The following DGKH variants were observed in gnomAD, a reference collection of about 807,000 sequenced individuals.
DGKH encodes diacylglycerol kinase eta, also known as DAG kinase eta.
In DGKH, 90 loss-of-function variants were observed where a neutral mutation model predicts 159.3. The ratio of observed to expected loss-of-function variants is 0.57; its 90% CI spans 0.48 to 0.67. The LOEUF (loss-of-function observed/expected upper bound fraction) is 0.67, where lower values mean the gene tolerates loss of function less well. DGKH is among the 30% of genes least tolerant of loss of function. The pLI is 0.00. For missense variants in DGKH, 1,181 were observed against 1,506.1 expected (o/e 0.78, Z 3.57); for synonymous variants, 536 against 553.8 (o/e 0.97, Z 0.45).
chr13:42,055,665 T>G (rs930938924), intron 1 of DGKH, among the ~76,000 whole-genome samples: 1 of 152,184 alleles, frequency 6.6e-6, no homozygotes, highest in Non-Finnish European at 1.5e-5. Context: ...TCATATTGGA[T>G]TTGTTAGGCT....
At chr13:42,174,190 C>A in intron 12 of DGKH, 46 bp downstream of exon 12, 6 of 1,373,460 alleles carry the variant, frequency 4.4e-6, no homozygotes, top group Non-Finnish European at 5.1e-6. Flanking sequence ...GGGTGGATAT[C>A]TTGAGAAAAA....
At chr13:42,131,320 T>G (rs1955285201) in intron 3 of DGKH, among the ~76,000 whole-genome samples, 1 of 151,670 alleles carries the variant, frequency 6.6e-6, no homozygotes, top group Admixed American at 6.6e-5. Context: ...AGAGGAGGAA[T>G]AGTTAGAACC....
At chr13:42,040,309 G>A (rs1593935107) in intron 1 of DGKH, among the ~76,000 whole-genome samples, 1 of 152,288 alleles carries the variant, frequency 6.6e-6, no homozygotes, top group East Asian at 1.9e-4. Flanking sequence ...CGCCAGCGCG[G>A]TGGCCAGCCT....
downstream of DGKH, among the ~76,000 whole-genome samples, chr13:42,245,446 C>A (rs1372386324): frequency 6.6e-6 from 1 of 152,156 alleles, no homozygotes; most frequent in East Asian, 1.9e-4. Context: ...TCTCTTTCAC[C>A]TATAGATTGA....
intron 1 of DGKH, among the ~76,000 whole-genome samples, chr13:42,102,257 C>G (rs910545667): frequency 1.3e-5 from 2 of 152,246 alleles, no homozygotes; most frequent in Non-Finnish European, 2.9e-5. Context: ...GGTCAAACAC[C>G]TGCTGGAGCT....
At chr13:42,162,964 A>G (rs12430974) in intron 7 of DGKH, among the ~76,000 whole-genome samples, 17,961 of 150,428 alleles carry the variant, frequency 0.12, 1,577 homozygotes, top group East Asian at 0.42. Context: ...TGCACCCATT[A>G]ACTCATCATT....
At chr13:42,134,838 G>A (rs1252400577) in intron 3 of DGKH, among the ~76,000 whole-genome samples, 3 of 152,118 alleles carry the variant, frequency 2.0e-5, no homozygotes, top group African/African-American at 4.8e-5. Context: ...TTAGCTGGAC[G>A]TATTGGTGCA....
chr13:42,093,610 G>A (rs1042022826), intron 1 of DGKH, among the ~76,000 whole-genome samples: 1 of 152,186 alleles, frequency 6.6e-6, no homozygotes, highest in Non-Finnish European at 1.5e-5. Flanking sequence ...AACAACGCAA[G>A]TGCCAATAAA....
chr13:42,108,284 G>A (rs1368197853), intron 1 of DGKH, among the ~76,000 whole-genome samples: 2 of 152,202 alleles, frequency 1.3e-5, no homozygotes. Context: ...GAAACCTTTT[G>A]ATTGGCAGAT....
At chr13:42,050,220 A>T (rs749607159) in intron 1 of DGKH, among the ~76,000 whole-genome samples, 10 of 152,108 alleles carry the variant, frequency 6.6e-5, no homozygotes, top group Non-Finnish European at 1.5e-4. Flanking sequence ...AAAATAAAAA[A>T]ATTAGCTGGG....
intron 1 of DGKH, among the ~76,000 whole-genome samples, chr13:42,053,661 C>T (rs1881535898): frequency 6.7e-6 from 1 of 150,004 alleles, no homozygotes; most frequent in Non-Finnish European, 1.5e-5. Context: ...ACTCTGTTGC[C>T]AGGCTGGAGT....
At chr13:42,228,728 G>A (rs1958211705) in intron 29 of DGKH, among the ~76,000 whole-genome samples, 1 of 151,780 alleles carries the variant, frequency 6.6e-6, no homozygotes, top group South Asian at 2.1e-4. Context: ...AGAAAAGAAA[G>A]AAAGAGAAAG....
chr13:42,144,222 C>T (rs531067819), intron 3 of DGKH, among the ~76,000 whole-genome samples: 1 of 152,158 alleles, frequency 6.6e-6, no homozygotes, highest in East Asian at 1.9e-4. Flanking sequence ...AGTTTCTTAA[C>T]TATACCTGTT....
intron 3 of DGKH, among the ~76,000 whole-genome samples, chr13:42,148,123 G>A (rs1955784046): frequency 6.6e-6 from 1 of 152,138 alleles, no homozygotes; most frequent in African/African-American, 2.4e-5. Context: ...TGGCTAGGGA[G>A]GAAGGCAGAT....
intron 24 of DGKH, among the ~76,000 whole-genome samples, chr13:42,213,262 G>A (rs1198493411): frequency 1.3e-5 from 2 of 152,130 alleles, no homozygotes; most frequent in African/African-American, 4.8e-5. Flanking sequence ...TTGGTAAATG[G>A]GTATGAATTA....
intron 1 of DGKH, among the ~76,000 whole-genome samples, chr13:42,065,720 G>C (rs191314579): frequency 1.4e-3 from 215 of 152,180 alleles, no homozygotes; most frequent in Non-Finnish European, 2.6e-3. Context: ...GAAATACTTG[G>C]GTGAGGAAGG....
rs889127170 is a variant in DGKH, at chr13:42,092,315, A to G, written c.193-35148A>G. Among the ~76,000 whole-genome samples the G allele has an allele frequency of 2.0e-5, 3 of 152,350 alleles. No homozygotes were observed. In the East Asian group the frequency reaches 5.8e-4, roughly 29 times the overall value. ...CCATGTTTATTGCCCACTGTTCACA[A>G]TAGTCAAGATATGGAATCAACCGAA... On this transcript the variant is annotated intron_variant, in intron 1 of 29. Coordinates refer to ENST00000337343, the MANE Select transcript of DGKH (RefSeq NM_178009.5).
At chr13:42,189,947 C>T (rs1287933918) in intron 15 of DGKH, among the ~76,000 whole-genome samples, 1 of 152,064 alleles carries the variant, frequency 6.6e-6, no homozygotes, top group African/African-American at 2.4e-5. Context: ...GGATTACAGG[C>T]GTGAACCACT....
At chr13:42,074,684 ATCC>A (rs1211100521) in intron 1 of DGKH, among the ~76,000 whole-genome samples, 10 of 151,822 alleles carry the variant, frequency 6.6e-5, no homozygotes, top group African/African-American at 2.4e-4. Context: ...CCATCCATCC[ATCC>A]ATGCATCCAC....
Sources: allele counts gnomAD v4.1 joint callset (sites outside exome capture counted in the v4.1 genomes callset), GRCh38; gene constraint gnomAD v4.1.1; transcripts MANE v1.5; gene names NCBI Gene and HGNC (gene_info 2026-07-23, HGNC 2026-07-21).